Variants in GLO1 observed in about 807,000 individuals in gnomAD.
The protein encoded by GLO1 is glyoxalase I.
Under a neutral mutation model 26.0 loss-of-function variants are expected in GLO1, and 28 were observed. The ratio of observed to expected loss-of-function variants is 1.08; its 90% CI spans 0.80 to 1.48. GLO1 has a LOEUF of 1.48. Among genes scored for constraint, GLO1 ranks in the 40% most tolerant of loss-of-function variants. GLO1 has a pLI of 0.00. For synonymous variants in GLO1, 78 were observed against 77.6 expected, an observed-to-expected ratio of 1.00 and a Z score of -0.03; for missense variants, 225 against 224.8, an observed-to-expected ratio of 1.00 and a Z score of -0.01.
chr6:38,693,685 C>CTCTCTCTCTATATA (rs869232489), intron 1 of GLO1, among the ~76,000 whole-genome samples: 44 of 86,434 alleles, frequency 5.1e-4, no homozygotes, highest in East Asian at 1.5e-3. Flanking sequence ...CTCTCTCTCT[C>CTCTCTCTCTATATA]TATATATATA....
chr6:38,702,537 G>A (rs1217618970), intron 1 of GLO1, among the ~76,000 whole-genome samples: 1 of 152,180 alleles, frequency 6.6e-6, no homozygotes, highest in Non-Finnish European at 1.5e-5. Flanking sequence ...AACTTAGAGC[G>A]ATCAAATTAG....
At chr6:38,690,950 AG>A (rs1396547344) in intron 1 of GLO1, among the ~76,000 whole-genome samples, 1 of 152,314 alleles carries the variant, frequency 6.6e-6, no homozygotes, top group Non-Finnish European at 1.5e-5. Flanking sequence ...CTTGAGAAAA[AG>A]TTCCTGTTTT....
chr6:38,678,660 C>T (rs564112165), intron 5 of GLO1, among the ~76,000 whole-genome samples: 58 of 152,316 alleles, frequency 3.8e-4, no homozygotes, highest in African/African-American at 1.4e-3. Flanking sequence ...TACCAGTAAA[C>T]AAGGGCAGTG....
chr6:38,688,419 TA>T lies in GLO1; in HGVS notation c.85-1446del, dbSNP rs202215094. Reference sequence around the variant, plus strand: ...TGGCTGCCATGATGTGATACCAAAATAAAAAAAAAAAATTTAAAGCAGCAAG... The same window carrying T: ...TGGCTGCCATGATGTGATACCAAAATAAAAAAAAAAATTTAAAGCAGCAAG... On this transcript the variant is annotated intron_variant, in intron 1 of 5. Transcript: ENST00000373365. Among the ~76,000 whole-genome samples the T allele has an allele frequency of 3.2e-4, 47 of 148,136 alleles. 1 individual carries two copies. Among genetic ancestry groups the T allele is most frequent in the East Asian group, 9.9e-4 (5 of 5,032 alleles).
intron 1 of GLO1, among the ~76,000 whole-genome samples, chr6:38,692,616 C>A (rs540717077): frequency 1.3e-5 from 2 of 151,750 alleles, no homozygotes; most frequent in Non-Finnish European, 2.9e-5. Flanking sequence ...GTCTTATTAC[C>A]AAAATTAGGG....
chr6:38,681,127 G>A (rs186731334), intron 5 of GLO1, among the ~76,000 whole-genome samples: 114 of 152,130 alleles, frequency 7.5e-4, no homozygotes, highest in African/African-American at 2.6e-3. Context: ...GCAGTGGTGC[G>A]ATCTTGGCTC....
At chr6:38,702,837 C>T (rs1283449116) in intron 1 of GLO1, 134 bp downstream of exon 1, 11 of 602,072 alleles carry the variant, frequency 1.8e-5, no homozygotes, top group South Asian at 1.7e-4. Context: ...ACACCATTAT[C>T]CCTCTTCCCA....
At chr6:38,683,473 A>G (rs985654674) in intron 3 of GLO1, among the ~76,000 whole-genome samples, 1 of 152,254 alleles carries the variant, frequency 6.6e-6, no homozygotes, top group Admixed American at 6.5e-5. Context: ...TCCAAAATGT[A>G]GCAAAATAAT....
At chr6:38,686,344 A>T (rs1014319468) in intron 2 of GLO1, among the ~76,000 whole-genome samples, 7 of 152,236 alleles carry the variant, frequency 4.6e-5, no homozygotes, top group East Asian at 1.9e-4. Flanking sequence ...TAGGGAAACA[A>T]ATCAACAATA....
intron 4 of GLO1, among the ~76,000 whole-genome samples, chr6:38,682,438 A>G (rs1489302682): frequency 3.3e-5 from 5 of 152,226 alleles, no homozygotes. Flanking sequence ...TGACTATAGC[A>G]GCCAGCTGAA....
chr6:38,702,134 T>C, intron 1 of GLO1, among the ~76,000 whole-genome samples: 1 of 152,052 alleles, frequency 6.6e-6, no homozygotes, highest in Middle Eastern at 3.2e-3. Context: ...GGTTTCACCG[T>C]GTTAGGATGG....
At chr6:38,701,970 G>A (rs111624192) in intron 1 of GLO1, among the ~76,000 whole-genome samples, 10,991 of 141,980 alleles carry the variant, frequency 0.077, 578 homozygotes, top group Non-Finnish European at 0.11. Flanking sequence ...TCACTCTGTC[G>A]CCCAGGCTGG....
Position 38,703,090 on chromosome 6 carries a change from G to C in GLO1, c.-36C>G. 8.2e-7 allele frequency: 1 copy of C among 1,223,430 alleles called. No individual in the cohort carries two copies. The highest frequency in any genetic ancestry group is 1.2e-6 in the Non-Finnish European group (1 of 840,432). 75.8% of individuals were successfully genotyped at this position (1,223,430 alleles called of 1,614,324 possible). On this transcript the variant is annotated 5_prime_UTR_variant, in exon 1 of 6. Transcript: ENST00000373365. Reference sequence around the variant, plus strand: ...CAGTATCACAGACGACGGGACCCAAGGAACGGAGGAGTCACCCACACTACG... The same window carrying C: ...CAGTATCACAGACGACGGGACCCAACGAACGGAGGAGTCACCCACACTACG...
At chr6:38,697,398 G>T (rs989756408) in intron 1 of GLO1, among the ~76,000 whole-genome samples, 3 of 152,178 alleles carry the variant, frequency 2.0e-5, no homozygotes, top group African/African-American at 7.2e-5. Context: ...TCAGGTACAG[G>T]GAGAAGATTC....
At chr6:38,680,856 T>G (rs2127545852) in intron 5 of GLO1, among the ~76,000 whole-genome samples, 1 of 152,252 alleles carries the variant, frequency 6.6e-6, no homozygotes, top group South Asian at 2.1e-4. Context: ...ACAGTGCCAT[T>G]GCAGCACCCC....
At position 38,677,081 on chromosome 6, in the gene GLO1, T is replaced by C. The variant is rs1215646472; in HGVS notation, c.*214A>G. On this transcript the variant is annotated 3_prime_UTR_variant, in exon 6 of 6. Transcript: ENST00000373365. ...TACCTAAAAAATAAAGTTACACAAC[T>C]ATATTCAAGGACATGAGATAAAGCA... is the stretch of plus-strand genomic sequence containing the variant. 5 of 548,890 alleles carry C rather than the reference T, an allele frequency of 9.1e-6. No homozygotes were observed. Among genetic ancestry groups the C allele is most frequent in the African/African-American group, 1.9e-5 (1 of 51,696 alleles). The allele number at this position is 548,890 out of a possible 1,614,324, so 34.0% of individuals were successfully genotyped here.
intron 1 of GLO1, among the ~76,000 whole-genome samples, chr6:38,698,174 C>T (rs970250959): frequency 1.3e-5 from 2 of 152,022 alleles, no homozygotes; most frequent in African/African-American, 2.4e-5. Flanking sequence ...CTTTGAGTAC[C>T]CTAATGATTG....
intron 1 of GLO1, among the ~76,000 whole-genome samples, chr6:38,691,839 T>A (rs1251777837): frequency 6.6e-6 from 1 of 152,114 alleles, no homozygotes. Flanking sequence ...GTTGAGGCTA[T>A]CCTCCCTCTG....
At chr6:38,684,552 C>T (rs1274069489) in intron 2 of GLO1, 38 bp from the exon 3 acceptor site, 3 of 1,365,904 alleles carry the variant, frequency 2.2e-6, no homozygotes, top group Non-Finnish European at 2.9e-6. Context: ...TCATTAACAA[C>T]AGGAAAGGCT....
Sources: gnomAD v4.1 joint callset for allele counts (sites outside exome capture counted in the v4.1 genomes callset) on GRCh38, gnomAD v4.1.1 for gene constraint, MANE v1.5 for transcripts, NCBI Gene and HGNC (gene_info 2026-07-23, HGNC 2026-07-21) for gene names.